Variants in CPAMD8 observed in about 807,000 individuals in gnomAD.
CPAMD8 encodes C3 and PZP like alpha-2-macroglobulin domain containing 8.
Under a neutral mutation model 224.7 loss-of-function variants are expected in CPAMD8, and 146 were observed. That is an observed-to-expected ratio of 0.65 (90% CI 0.57 to 0.75). The LOEUF is 0.75. Among genes scored for constraint, CPAMD8 ranks in the 30% least tolerant of loss-of-function variants. The pLI is 0.00. For missense variants in CPAMD8, 2,301 were observed against 2,537.5 expected (o/e 0.91, Z 2.00); for synonymous variants, 966 against 1,044.6 (o/e 0.92, Z 1.45).
At chr19:16,957,131 C>T (rs929327570) in intron 19 of CPAMD8, among the ~76,000 whole-genome samples, 1 of 152,212 alleles carries the variant, frequency 6.6e-6, no homozygotes, top group Non-Finnish European at 1.5e-5. Flanking sequence ...GTCAAACCTT[C>T]CCACGATGAG....
chr19:17,012,353 T>TC (rs1162787076), intron 3 of CPAMD8, among the ~76,000 whole-genome samples: 3 of 149,958 alleles, frequency 2.0e-5, no homozygotes, highest in Admixed American at 6.7e-5. Flanking sequence ...TTTCTTTCTT[T>TC]TTTTTTTTTT....
chr19:16,975,066 G>T (rs752050487), intron 17 of CPAMD8, 31 bp downstream of exon 17: 23 of 1,604,252 alleles, frequency 1.4e-5, no homozygotes, highest in African/African-American at 2.7e-5. Context: ...CTTAGAAGGG[G>T]GCAGAGGGAT....
chr19:16,952,658 C>T (rs1471943735), intron 19 of CPAMD8, among the ~76,000 whole-genome samples: 1 of 152,040 alleles, frequency 6.6e-6, no homozygotes. Flanking sequence ...GCCTCAGCAA[C>T]AGAGTGAGAT....
intron 23 of CPAMD8, among the ~76,000 whole-genome samples, chr19:16,932,520 CCAAA>C (rs763364519): frequency 7.9e-5 from 12 of 152,104 alleles, no homozygotes; most frequent in South Asian, 2.1e-4. Flanking sequence ...CAAAAAGGAA[CCAAA>C]CAAATTCTGA....
chr19:17,006,300 C>T (rs1392437185), intron 7 of CPAMD8, among the ~76,000 whole-genome samples: 1 of 152,012 alleles, frequency 6.6e-6, no homozygotes, highest in Non-Finnish European at 1.5e-5. Flanking sequence ...ACCTCTTCCC[C>T]AACTCTGTGC....
Position 16,898,041 on chromosome 19 carries a change from G to A in CPAMD8, c.4849-47C>T, listed in dbSNP as rs771841347. On this transcript the variant is annotated intron_variant, in intron 37 of 41. Transcript: ENST00000443236. This position sits in a 1 kb window ranked among gnomAD's most constrained non-coding sequence, Gnocchi z 4.2. Reference sequence around the variant, plus strand: ...AGGCTCGACCCGGGCCAGGAGGCCCGGGGCGCTGAGCTCAGGCCCAGAACT... The same window carrying A: ...AGGCTCGACCCGGGCCAGGAGGCCCAGGGCGCTGAGCTCAGGCCCAGAACT... 6.3e-6 allele frequency: 9 copies of A among 1,438,772 alleles called. 1 individual carries two copies. The Admixed American group carries it at 1.3e-4, about 20-fold the overall frequency. The allele number at this position is 1,438,772 out of a possible 1,614,324, so 89.1% of individuals were successfully genotyped here.
chr19:16,950,793 GAAAAAAAAAAAAAA>G (rs757775739), intron 20 of CPAMD8, among the ~76,000 whole-genome samples: 2 of 45,884 alleles, frequency 4.4e-5, no homozygotes, highest in East Asian at 1.2e-3. Context: ...ACCCTGTCTC[GAAAAAAAAAAAAAA>G]AAAAAAAAGA....
intron 30 of CPAMD8, among the ~76,000 whole-genome samples, chr19:16,906,366 CTTTCTTTCTTTCTTTCTTTCTTTCTTTCT>C (rs1568459285): frequency 4.8e-4 from 33 of 68,970 alleles, no homozygotes; most frequent in Non-Finnish European, 5.0e-4. Context: ...TTCTTTCTTT[CTTTCTTTCTTTCTTTCTTTCTTTCTTTCT>C]TTCTTTCTTT....
At chr19:16,947,500 C>G (rs1042453057) in intron 20 of CPAMD8, among the ~76,000 whole-genome samples, 3 of 152,212 alleles carry the variant, frequency 2.0e-5, no homozygotes, top group African/African-American at 7.2e-5. Flanking sequence ...GTCCAGATCT[C>G]CCATGGACTG....
chr19:16,948,390 A>G (rs1286585720), intron 20 of CPAMD8, among the ~76,000 whole-genome samples: 1 of 152,126 alleles, frequency 6.6e-6, no homozygotes, highest in Non-Finnish European at 1.5e-5. Context: ...CTGAGAGCCA[A>G]TGGCTGCTGC....
chr19:16,895,863 A>C, intron 41 of CPAMD8: 1 of 527,952 alleles, frequency 1.9e-6, no homozygotes. Context: ...AGCATTTCGG[A>C]TAAGGGATCC....
intron 1 of CPAMD8, 120 bp downstream of exon 1, chr19:17,026,431 G>T: frequency 8.8e-7 from 1 of 1,131,068 alleles, no homozygotes; most frequent in Non-Finnish European, 1.2e-6. Context: ...CAAGAGGCCA[G>T]GTCCAGCCCA....
At chr19:16,931,156 G>A (rs952868534) in intron 23 of CPAMD8, among the ~76,000 whole-genome samples, 5 of 152,144 alleles carry the variant, frequency 3.3e-5, no homozygotes, top group Admixed American at 6.5e-5. Flanking sequence ...GGCTGAACCC[G>A]AGCATTCCAC....
chr19:17,018,078 A>G (rs1326576695), intron 3 of CPAMD8, among the ~76,000 whole-genome samples: 1 of 152,016 alleles, frequency 6.6e-6, no homozygotes, highest in African/African-American at 2.4e-5. Context: ...CCTGCAGCAA[A>G]TAGGCACTAG....
chr19:16,953,463 G>T (rs2054361366), intron 19 of CPAMD8, among the ~76,000 whole-genome samples: 1 of 152,028 alleles, frequency 6.6e-6, no homozygotes, highest in African/African-American at 2.4e-5. Context: ...ACTTTGGGAG[G>T]CCAAGGAAGG....
At chr19:16,977,255 A>G in intron 15 of CPAMD8, 113 bp downstream of exon 15, 1 of 700,178 alleles carries the variant, frequency 1.4e-6, no homozygotes, top group Non-Finnish European at 2.5e-6. Context: ...AATTCCTTAC[A>G]TCATGCTGCG....
intron 1 of CPAMD8, among the ~76,000 whole-genome samples, chr19:17,025,510 G>C (rs2057057025): frequency 6.6e-6 from 1 of 152,166 alleles, no homozygotes; most frequent in Non-Finnish European, 1.5e-5. Context: ...CTGTCATGTG[G>C]GGCCGCGTCA....
chr19:16,927,582 C>T (rs2053408957), intron 25 of CPAMD8, among the ~76,000 whole-genome samples: 2 of 152,132 alleles, frequency 1.3e-5, no homozygotes, highest in Admixed American at 1.3e-4. Context: ...GACGCCTGCC[C>T]CATCACCAAG....
chr19:17,025,227 A>G (rs763605177), intron 1 of CPAMD8, among the ~76,000 whole-genome samples: 4 of 152,164 alleles, frequency 2.6e-5, no homozygotes, highest in Non-Finnish European at 5.9e-5. Context: ...CCTGGCTAAC[A>G]TGGAGAAACC....
Sources: gnomAD v4.1 joint callset for allele counts (sites outside exome capture counted in the v4.1 genomes callset) on GRCh38, gnomAD v4.1.1 for gene constraint, Gnocchi (gnomAD v3.1) non-coding constraint, MANE v1.5 for transcripts, NCBI Gene and HGNC (gene_info 2026-07-23, HGNC 2026-07-21) for gene names.